EBF1: variants seen among roughly 807,000 people sequenced by gnomAD.
EBF1 encodes the protein EBF transcription factor 1, also known as transcription factor COE1.
In EBF1, 10 loss-of-function variants were observed where a neutral mutation model predicts 68.4. The observed-to-expected ratio is 0.15, with a 90% confidence interval of 0.09 to 0.25. EBF1 has a LOEUF of 0.25. EBF1 is among the 10% of genes least tolerant of loss of function. The probability of loss-of-function intolerance (pLI) is 1.00; values close to 1 mark genes in which losing one functional copy is unlikely to be tolerated. For missense variants in EBF1, 509 were observed against 794.4 expected, an observed-to-expected ratio of 0.64 and a Z score of 4.32; for synonymous variants, 298 against 299.8, an observed-to-expected ratio of 0.99 and a Z score of 0.06.
chr5:158,720,738 A>C (rs1162100493), intron 11 of EBF1, among the ~76,000 whole-genome samples: 1 of 152,182 alleles, frequency 6.6e-6, no homozygotes, highest in Non-Finnish European at 1.5e-5. Context: ...GTTTCTGTTG[A>C]AAGGGGCATT....
chr5:159,096,122 A>T (rs1345783425), intron 3 of EBF1: 12 of 592,202 alleles, frequency 2.0e-5, no homozygotes, highest in Non-Finnish European at 3.6e-5. Flanking sequence ...ATGAGGCACT[A>T]CACCTGGCCC....
At chr5:158,888,831 G>A (rs1263279354) in intron 6 of EBF1, among the ~76,000 whole-genome samples, 3 of 151,760 alleles carry the variant, frequency 2.0e-5, no homozygotes, top group Non-Finnish European at 4.4e-5. Flanking sequence ...ATTAACCTAG[G>A]GTTCTCTTCC....
chr5:158,911,156 T>C (rs1187912011), intron 6 of EBF1, among the ~76,000 whole-genome samples: 1 of 152,234 alleles, frequency 6.6e-6, no homozygotes. Context: ...GTCGCCTATC[T>C]GAACAGGGAA....
At chr5:158,703,715 C>T (rs181630339) in intron 15 of EBF1, among the ~76,000 whole-genome samples, 7 of 152,180 alleles carry the variant, frequency 4.6e-5, no homozygotes, top group East Asian at 1.9e-4. Context: ...TACTGGTCAC[C>T]GCATGTTATC....
intron 6 of EBF1, among the ~76,000 whole-genome samples, chr5:159,039,909 C>T (rs1478372952): frequency 6.6e-6 from 1 of 152,148 alleles, no homozygotes; most frequent in East Asian, 1.9e-4. Context: ...TTCTGGAGTA[C>T]CTCTAAAAGG....
At chr5:159,080,851 G>A (rs1420877759) in intron 5 of EBF1, among the ~76,000 whole-genome samples, 1 of 152,212 alleles carries the variant, frequency 6.6e-6, no homozygotes, top group Admixed American at 6.5e-5. Flanking sequence ...GTCCAGCAAA[G>A]GAAGACAGAT....
chr5:158,947,658 C>G (rs1460481967), intron 6 of EBF1, among the ~76,000 whole-genome samples: 1 of 152,138 alleles, frequency 6.6e-6, no homozygotes, highest in East Asian at 1.9e-4. Flanking sequence ...CTGGGAACTT[C>G]CTTAAGGTTT....
At chr5:159,065,940 G>A (rs577364064) in intron 6 of EBF1, among the ~76,000 whole-genome samples, 1 of 152,092 alleles carries the variant, frequency 6.6e-6, no homozygotes, top group East Asian at 1.9e-4. Context: ...TATATTTCAT[G>A]AGGAGCCCCC....
intron 6 of EBF1, among the ~76,000 whole-genome samples, chr5:158,976,384 T>C (rs1561682721): frequency 6.6e-6 from 1 of 151,832 alleles, no homozygotes; most frequent in Non-Finnish European, 1.5e-5. Flanking sequence ...CAGTTATGTG[T>C]GCAAACCCAC....
At chr5:158,916,892 G>A (rs1404112655) in intron 6 of EBF1, among the ~76,000 whole-genome samples, 8 of 152,282 alleles carry the variant, frequency 5.3e-5, no homozygotes, top group African/African-American at 1.7e-4. Flanking sequence ...CAATAAGCAG[G>A]TCATAAACAT....
chr5:159,076,621 C>G (rs757105987), intron 5 of EBF1, among the ~76,000 whole-genome samples: 2 of 151,922 alleles, frequency 1.3e-5, no homozygotes, highest in African/African-American at 4.8e-5. Context: ...AGTTCACTCA[C>G]CACTTACAAA....
intron 11 of EBF1, among the ~76,000 whole-genome samples, chr5:158,726,413 G>T (rs79939209): frequency 1.4e-4 from 21 of 152,156 alleles, no homozygotes; most frequent in Non-Finnish European, 4.4e-5. Context: ...CACAACCAAT[G>T]AGTGTAATTA....
intron 5 of EBF1, among the ~76,000 whole-genome samples, chr5:159,084,340 C>T (rs60209603): frequency 0.011 from 1,742 of 152,082 alleles, 34 homozygotes; most frequent in African/African-American, 0.04. Context: ...TGCAGTTGAG[C>T]GCATATATTA....
intron 6 of EBF1, among the ~76,000 whole-genome samples, chr5:158,872,815 A>T (rs1797112192): frequency 6.6e-6 from 1 of 152,148 alleles, no homozygotes; most frequent in Non-Finnish European, 1.5e-5. Context: ...GCTACATACC[A>T]TTAATTCAGT....
chr5:158,793,770 T>C (rs1233313266), intron 9 of EBF1, among the ~76,000 whole-genome samples: 1 of 152,142 alleles, frequency 6.6e-6, no homozygotes, highest in Non-Finnish European at 1.5e-5. Flanking sequence ...CCTTAGCAAG[T>C]CTGAGCTATT....
intron 6 of EBF1, among the ~76,000 whole-genome samples, chr5:159,040,356 G>A (rs1003433611): frequency 6.6e-6 from 1 of 152,166 alleles, no homozygotes; most frequent in East Asian, 1.9e-4. Flanking sequence ...CATCCATTGA[G>A]GCCACCACCA....
At chr5:158,866,857 A>G (rs868581274) in intron 6 of EBF1, among the ~76,000 whole-genome samples, 521 of 19,542 alleles carry the variant, frequency 0.027, 9 homozygotes, top group African/African-American at 0.037. Flanking sequence ...ATATATATAT[A>G]TATATATATA....
At chr5:158,755,881 C>T (rs1242017546) in intron 10 of EBF1, among the ~76,000 whole-genome samples, 1 of 152,098 alleles carries the variant, frequency 6.6e-6, no homozygotes, top group Non-Finnish European at 1.5e-5. Flanking sequence ...GGTGAAAGAT[C>T]ACCTATGATT....
intron 6 of EBF1, among the ~76,000 whole-genome samples, chr5:158,970,006 C>T (rs1019088775): frequency 2.6e-5 from 4 of 151,838 alleles, no homozygotes; most frequent in African/African-American, 9.7e-5. Context: ...AGAAATCTGC[C>T]CCTTTTTAGG....
Sources: allele counts gnomAD v4.1 joint callset (sites outside exome capture counted in the v4.1 genomes callset), GRCh38; gene constraint gnomAD v4.1.1; transcripts MANE v1.5; gene names NCBI Gene and HGNC (gene_info 2026-07-23, HGNC 2026-07-21).